Variants in ATCAY observed in about 807,000 individuals in gnomAD.
ATCAY encodes ATCAY kinesin light chain interacting caytaxin.
In ATCAY, 22 loss-of-function variants were observed where a neutral mutation model predicts 47.7. That is an observed-to-expected ratio of 0.46 (90% CI 0.33 to 0.66). The LOEUF (loss-of-function observed/expected upper bound fraction) is 0.66. ATCAY is among the 30% of genes least tolerant of loss of function. The probability of loss-of-function intolerance (pLI) is 0.02; values close to 1 mark genes in which losing one functional copy is unlikely to be tolerated. For synonymous variants in ATCAY, 216 were observed against 207.6 expected, an observed-to-expected ratio of 1.04 and a Z score of -0.35; for missense variants, 452 against 515.0, an observed-to-expected ratio of 0.88 and a Z score of 1.18.
chr19:3,887,369 G>A (rs952848407), intron 2 of ATCAY, among the ~76,000 whole-genome samples: 1 of 151,886 alleles, frequency 6.6e-6, no homozygotes, highest in African/African-American at 2.4e-5. Context: ...GAGACAGGAG[G>A]ATCCCTTGAG....
At chr19:3,920,967 G>A (rs1010348772) in intron 12 of ATCAY, 169 bp downstream of exon 12, 20 of 772,396 alleles carry the variant, frequency 2.6e-5, no homozygotes, top group Middle Eastern at 7.0e-4. Context: ...TCGGGAGTGG[G>A]GGATACGGCA....
At chr19:3,901,585 G>GA (rs1395204301) in intron 2 of ATCAY, among the ~76,000 whole-genome samples, 1 of 152,078 alleles carries the variant, frequency 6.6e-6, no homozygotes, top group Non-Finnish European at 1.5e-5. Flanking sequence ...TGATGCTGGG[G>GA]AAAAACCTTC....
chr19:3,893,892 C>G (rs577434749), intron 2 of ATCAY, among the ~76,000 whole-genome samples: 2 of 152,258 alleles, frequency 1.3e-5, no homozygotes, highest in Non-Finnish European at 2.9e-5. Flanking sequence ...CCTCCTCCCC[C>G]ACTGCTCTCT....
chr19:3,908,460 C>T, intron 6 of ATCAY, 90 bp downstream of exon 6: 1 of 1,198,782 alleles, frequency 8.3e-7, no homozygotes, highest in Admixed American at 2.0e-5. Context: ...TGCATTGTGG[C>T]CCTAGGAAGC....
rs1403885439 is a variant in ATCAY, at chr19:3,918,853, C to T, written c.1049C>T (p.Pro350Leu). 6.2e-7 allele frequency: 1 copy of T among 1,613,992 alleles called. No homozygotes were observed. The highest frequency in any genetic ancestry group is 1.1e-5 in the South Asian group (1 of 91,082). ...EFVLPRSEEK[P>L]EVAPVENRSA... ...GTGCTGCCCAGGTCTGAAGAGAAGC[C>T]AGAGGTGGCACCAGTGGAAAACAGG... is the stretch of plus-strand genomic sequence containing the variant. Residue 350 changes from proline to leucine, a missense_variant, in exon 11 of 13, where the codon CCA becomes CTA. Coordinates refer to ENST00000450849, the MANE Select transcript of ATCAY (RefSeq NM_033064.5).
chr19:3,918,213 C>T (rs760162730), intron 10 of ATCAY, among the ~76,000 whole-genome samples: 13 of 151,866 alleles, frequency 8.6e-5, no homozygotes, highest in African/African-American at 1.2e-4. Context: ...GGCGTAACTC[C>T]GTCTCTACCA....
At chr19:3,917,584 CAAAAAAAAAAA>C (rs71166940) in intron 9 of ATCAY, among the ~76,000 whole-genome samples, 147 bp from the exon 10 acceptor site, 5 of 40,836 alleles carry the variant, frequency 1.2e-4, no homozygotes, top group African/African-American at 2.1e-4. Context: ...GACTCCATCT[CAAAAAAAAAAA>C]AAAAAAAAAA....
chr19:3,922,342 T>C, intron 12 of ATCAY: 1 of 629,970 alleles, frequency 1.6e-6, no homozygotes, highest in Non-Finnish European at 2.8e-6. Flanking sequence ...CCCCGGGAAA[T>C]TTATAATCCT....
rs571762454 is a variant in ATCAY at position 3,908,287 on chromosome 19, C to G, written c.564C>G (p.Leu188=). ...CCTCAGGGTACTACGGCGAAGGCCT[C>G]AACGCCATCATCGTCTTCGCAGCCT... The part of the protein sequence containing the change: ...VTHGGYYGEG[L]NAIIVFAACF... Residue 188 remains leucine (L), a synonymous_variant, in exon 6 of 13, where the codon CTC becomes CTG. Coordinates refer to ENST00000450849, the MANE Select transcript of ATCAY (RefSeq NM_033064.5). 1 of 1,581,170 alleles carries G rather than the reference C, an allele frequency of 6.3e-7. No homozygotes were observed. Among genetic ancestry groups the G allele is most frequent in the South Asian group, 1.2e-5 (1 of 86,416 alleles).
intron 5 of ATCAY, 58 bp from the exon 6 acceptor site, chr19:3,908,210 G>C: frequency 6.9e-7 from 1 of 1,449,102 alleles, no homozygotes; most frequent in Non-Finnish European, 9.5e-7. Context: ...TGGTGCGCGG[G>C]AGGCAGCTCA....
At chr19:3,894,664 A>G (rs995510973) in intron 2 of ATCAY, among the ~76,000 whole-genome samples, 1 of 150,396 alleles carries the variant, frequency 6.6e-6, no homozygotes, top group Admixed American at 6.7e-5. Flanking sequence ...AACCTGAAAA[A>G]TTAACCAGGT....
chr19:3,913,098 G>A (rs1419752324), intron 8 of ATCAY, among the ~76,000 whole-genome samples: 5 of 152,148 alleles, frequency 3.3e-5, no homozygotes, highest in African/African-American at 9.6e-5. Context: ...GACTAGCCTG[G>A]CCAACATGAT....
intron 8 of ATCAY, among the ~76,000 whole-genome samples, chr19:3,912,210 C>T (rs1405900128): frequency 2.6e-5 from 4 of 152,154 alleles, no homozygotes; most frequent in Admixed American, 6.6e-5. Context: ...CCATGGCTCA[C>T]ACCTGTAATC....
chr19:3,913,923 G>A, intron 9 of ATCAY, 67 bp downstream of exon 9: 1 of 1,414,084 alleles, frequency 7.1e-7, no homozygotes, highest in Admixed American at 1.8e-5. Context: ...AGACACACCT[G>A]AGACAGGGCA....
intron 2 of ATCAY, among the ~76,000 whole-genome samples, chr19:3,900,214 C>T (rs2038805239): frequency 6.7e-6 from 1 of 148,892 alleles, no homozygotes; most frequent in Non-Finnish European, 1.5e-5. Context: ...TTTTAAGAGA[C>T]AGGGTCTCAC....
At chr19:3,885,696 T>C in intron 1 of ATCAY, 31 bp from the exon 2 acceptor site, 1 of 1,363,240 alleles carries the variant, frequency 7.3e-7, no homozygotes, top group Non-Finnish European at 1.0e-6. Context: ...TATTGTCCAG[T>C]AAAACCCATT....
At position 3,901,145 on chromosome 19, in the gene ATCAY, G is replaced by A. The variant is rs1333428603; in HGVS notation, c.78-1342G>A. 6.9e-5 allele frequency among the ~76,000 whole-genome samples: 10 copies of A among 145,428 alleles called. No individual in the cohort carries two copies. The East Asian group carries it at 1.3e-3, about 19-fold the overall frequency. ...TCTCGATCTCCTGACCTCGTGATCC[G>A]CACGCCTCGGCCTCCCAAAGTGCTG... On this transcript the variant is annotated intron_variant, in intron 2 of 12. Transcript: ENST00000450849.
At chr19:3,896,309 T>G (rs1599281781) in intron 2 of ATCAY, among the ~76,000 whole-genome samples, 1 of 147,014 alleles carries the variant, frequency 6.8e-6, no homozygotes, top group East Asian at 2.1e-4. Context: ...ACTCTGTCAC[T>G]CAGGCTGGAG....
chr19:3,907,311 G>A lies in ATCAY; in HGVS notation c.359-423G>A, dbSNP rs1438415743. ...ATATAAAAATTAGCTGGGTGTGGTGGTGCACAACTGTAGTCCCAGGTATCT... is the reference window on the plus strand; with the variant it reads ...ATATAAAAATTAGCTGGGTGTGGTGATGCACAACTGTAGTCCCAGGTATCT... On this transcript the variant is annotated intron_variant, in intron 4 of 12. Coordinates refer to ENST00000450849, the MANE Select transcript of ATCAY (RefSeq NM_033064.5). This position sits in a 1 kb window ranked among gnomAD's most constrained non-coding sequence, Gnocchi z 5.1. 6.6e-6 allele frequency among the ~76,000 whole-genome samples: 1 copy of A among 152,094 alleles called. No individual in the cohort carries two copies. Among genetic ancestry groups the A allele is most frequent in the East Asian group, 1.9e-4 (1 of 5,184 alleles).
Sources: gnomAD v4.1 joint callset for allele counts (sites outside exome capture counted in the v4.1 genomes callset) on GRCh38, gnomAD v4.1.1 for gene constraint, Gnocchi (gnomAD v3.1) non-coding constraint, MANE v1.5 for transcripts, NCBI Gene and HGNC (gene_info 2026-07-23, HGNC 2026-07-21) for gene names.